The following DNAJB14 variants were observed in gnomAD, a reference collection of about 807,000 sequenced individuals.
DNAJB14 encodes dnaJ homolog subfamily B member 14.
In DNAJB14, 22 loss-of-function variants were observed where a neutral mutation model predicts 48.4. The observed-to-expected ratio is 0.45, with a 90% CI of 0.32 to 0.65. The LOEUF (loss-of-function observed/expected upper bound fraction) is 0.65, where lower values mean the gene tolerates loss of function less well. Among genes scored for constraint, DNAJB14 ranks in the 30% least tolerant of loss-of-function variants. The pLI is 0.03. For synonymous variants in DNAJB14, 142 were observed against 158.7 expected (o/e 0.89, Z 0.79); for missense variants, 319 against 458.8 (o/e 0.70, Z 2.78).
At chr4:99,940,448 C>A (rs955794183) in intron 1 of DNAJB14, among the ~76,000 whole-genome samples, 1 of 152,038 alleles carries the variant, frequency 6.6e-6, no homozygotes, top group African/African-American at 2.4e-5. Flanking sequence ...CAAAAATAAG[C>A]TGGTGTCGTG....
intron 1 of DNAJB14, among the ~76,000 whole-genome samples, chr4:99,938,596 G>T (rs971498454): frequency 1.3e-5 from 2 of 151,584 alleles, no homozygotes; most frequent in African/African-American, 4.8e-5. Context: ...AGAGAGAAGG[G>T]TAGCAGAGGG....
intron 1 of DNAJB14, among the ~76,000 whole-genome samples, chr4:99,940,053 T>A (rs1726833768): frequency 6.6e-6 from 1 of 152,158 alleles, no homozygotes; most frequent in Non-Finnish European, 1.5e-5. Flanking sequence ...TTTAGTATAT[T>A]CCATATTAAA....
chr4:99,946,247 C>T (rs1201823187), intron 1 of DNAJB14, among the ~76,000 whole-genome samples, 192 bp downstream of exon 1: 2 of 152,106 alleles, frequency 1.3e-5, no homozygotes, highest in African/African-American at 4.8e-5. Context: ...ATTCCCCGAG[C>T]CCCAGCCCGG....
intron 2 of DNAJB14, chr4:99,924,400 C>G: frequency 5.7e-6 from 1 of 175,396 alleles, no homozygotes; most frequent in South Asian, 1.4e-4. Context: ...AGTAAATGAG[C>G]CTTAGCTTTC....
intron 3 of DNAJB14, among the ~76,000 whole-genome samples, chr4:99,911,241 A>G (rs952546963): frequency 1.2e-4 from 18 of 152,164 alleles, no homozygotes; most frequent in Non-Finnish European, 1.0e-4. Flanking sequence ...ATTTCTTTTT[A>G]TTAGTGAGTA....
intron 3 of DNAJB14, among the ~76,000 whole-genome samples, chr4:99,913,577 G>C (rs1725743421): frequency 7.2e-6 from 1 of 138,952 alleles, no homozygotes; most frequent in Admixed American, 7.2e-5. Flanking sequence ...CTGATATTTT[G>C]TTAAGGACAT....
At chr4:99,940,119 G>A (rs1292523613) in intron 1 of DNAJB14, among the ~76,000 whole-genome samples, 1 of 152,126 alleles carries the variant, frequency 6.6e-6, no homozygotes, top group Non-Finnish European at 1.5e-5. Flanking sequence ...AATCCAAAAA[G>A]GAAGAACTGA....
chr4:99,910,428 CAA>C (rs1725618650), intron 3 of DNAJB14: 1 of 151,910 alleles, frequency 6.6e-6, no homozygotes, highest in African/African-American at 2.4e-5. Context: ...TTTTTAGTAA[CAA>C]TATCAATTTT....
At chr4:99,906,284 T>C in intron 5 of DNAJB14, 1 of 1,089,316 alleles carries the variant, frequency 9.2e-7, no homozygotes, top group Non-Finnish European at 1.3e-6. Flanking sequence ...CAGGTGTACC[T>C]TCATTAGAAT....
intron 5 of DNAJB14, 133 bp from the exon 6 acceptor site, chr4:99,905,839 C>T: frequency 7.9e-7 from 1 of 1,258,234 alleles, no homozygotes; most frequent in East Asian, 2.6e-5. Context: ...TCTGCGTAAC[C>T]ATGCCAATAG....
chr4:99,922,387 TATGA>T (rs1258485551), intron 3 of DNAJB14: 1 of 152,162 alleles, frequency 6.6e-6, no homozygotes, highest in African/African-American at 2.4e-5. Context: ...GGCATTTAAC[TATGA>T]ATTAGAAATT....
intron 2 of DNAJB14, chr4:99,924,306 A>ATTTTTTTTTTTTTTT (rs11343224): frequency 7.2e-6 from 1 of 138,476 alleles, no homozygotes; most frequent in Non-Finnish European, 1.6e-5. Flanking sequence ...AAGAGACAAG[A>ATTTTTTTTTTTTTTT]TTTTTTTTTT....
rs1252380671 is a variant in DNAJB14, at chr4:99,914,527, G to C, written c.452-5631C>G. Among the ~76,000 whole-genome samples the C allele has an allele frequency of 2.6e-5, 4 of 152,094 alleles. No individual in the cohort carries two copies. In the East Asian group the frequency reaches 7.7e-4, roughly 29 times the overall value. Reference sequence around the variant, plus strand: ...GGGGAGTGGCGAGGGATAGCATTAGGAGAAATACCTTATGTAAATGACGAG... The same window carrying C: ...GGGGAGTGGCGAGGGATAGCATTAGCAGAAATACCTTATGTAAATGACGAG... On this transcript the variant is annotated intron_variant, in intron 3 of 7. Coordinates refer to ENST00000442697, the MANE Select transcript of DNAJB14 (RefSeq NM_001031723.4).
intron 7 of DNAJB14, among the ~76,000 whole-genome samples, chr4:99,902,729 G>C (rs181502875): frequency 1.3e-5 from 2 of 152,244 alleles, no homozygotes; most frequent in East Asian, 3.9e-4. Context: ...CTGAGAAGAC[G>C]TTGGAGCACA....
chr4:99,918,417 A>G lies in DNAJB14; in HGVS notation c.451+4623T>C, dbSNP rs556811430. 2.6e-5 allele frequency among the ~76,000 whole-genome samples: 4 copies of G among 152,338 alleles called. No individual in the cohort carries two copies. In the South Asian group the frequency reaches 8.3e-4, roughly 32 times the overall value. The stretch of plus-strand genomic sequence containing the variant: ...AACATTTATATGATCATAAACATTT[A>G]TAGAGTTTGAGATATTCCTGGTTCT... On this transcript the variant is annotated intron_variant, in intron 3 of 7. Coordinates refer to ENST00000442697, the MANE Select transcript of DNAJB14 (RefSeq NM_001031723.4).
At chr4:99,905,979 CT>C in intron 5 of DNAJB14, 2 of 1,289,238 alleles carry the variant, frequency 1.6e-6, no homozygotes, top group Non-Finnish European at 9.9e-7. Context: ...TCCCGACTCC[CT>C]CCCCCCCACA....
intron 3 of DNAJB14, among the ~76,000 whole-genome samples, chr4:99,909,454 CCAAA>C (rs1377209140): frequency 6.6e-6 from 1 of 151,836 alleles, no homozygotes; most frequent in African/African-American, 2.4e-5. Flanking sequence ...TTCTATTATC[CCAAA>C]CAATTTATCC....
At position 99,930,566 on chromosome 4, in the gene DNAJB14, G is replaced by C. The variant is rs199513667; in HGVS notation, c.189C>G (p.Cys63Trp). 3.0e-5 allele frequency: 48 copies of C among 1,612,036 alleles called. No individual in the cohort carries two copies. Among genetic ancestry groups the C allele is most frequent in the Non-Finnish European group, 3.9e-5 (46 of 1,179,018 alleles). The stretch of plus-strand genomic sequence containing the variant: ...GATCGCCACTACCTGATGGTTTTCG[G>C]CAATGAGGGCTATTTCCAGCCGTGC... Reference protein sequence around the residue: ...NGSTAGNSPHCRKPSGSGDQS... With the variant: ...NGSTAGNSPHWRKPSGSGDQS... The change falls in exon 2 of 8, where the codon TGC (cysteine) becomes TGG (tryptophan). Residue 63 changes from cysteine to tryptophan, a missense_variant. By Grantham distance (215) the Cys-to-Trp change is radical (BLOSUM62 -2). Coordinates refer to ENST00000442697, the MANE Select transcript of DNAJB14 (RefSeq NM_001031723.4).
At chr4:99,934,825 G>GA (rs1726612440) in intron 1 of DNAJB14, among the ~76,000 whole-genome samples, 1 of 84,232 alleles carries the variant, frequency 1.2e-5, no homozygotes, top group Non-Finnish European at 2.4e-5. Context: ...AAAAAGAAAA[G>GA]AAAAAATTAT....
Sources: allele counts gnomAD v4.1 joint callset (sites outside exome capture counted in the v4.1 genomes callset), GRCh38; gene constraint gnomAD v4.1.1; transcripts MANE v1.5; gene names NCBI Gene and HGNC (gene_info 2026-07-23, HGNC 2026-07-21).